Variants in SARDH observed in about 807,000 individuals in gnomAD.
The protein encoded by SARDH is sarcosine dehydrogenase.
A neutral mutation model predicts 109.1 loss-of-function variants in SARDH; 95 were observed. That is an observed-to-expected ratio of 0.87 (90% CI 0.74 to 1.03). The LOEUF is 1.03. Ranked by LOEUF, SARDH falls within the 50% of genes least tolerant of loss-of-function variation. SARDH has a pLI of 0.00. For missense variants in SARDH, 1,267 were observed against 1,287.8 expected, an observed-to-expected ratio of 0.98 and a Z score of 0.25; for synonymous variants, 572 against 534.8, an observed-to-expected ratio of 1.07 and a Z score of -0.96.
rs1345670788 is a variant in SARDH, at chr9:133,731,291, G to T, written c.690+14C>A. The T allele has an allele frequency of 6.2e-7, 1 of 1,613,398 alleles. No homozygotes were observed. The highest frequency in any genetic ancestry group is 8.5e-7 in the Non-Finnish European group (1 of 1,179,640). ...CTGGGAACAGGGGACCCAGAGCCAG[G>T]CGGCCATCAGTACCTGTGCTCCTCG... On this transcript the variant is annotated intron_variant, in intron 4 of 20. Coordinates refer to ENST00000439388, the MANE Select transcript of SARDH (RefSeq NM_001134707.2).
chr9:133,735,557 C>T (rs1832855499), intron 1 of SARDH, among the ~76,000 whole-genome samples: 1 of 152,220 alleles, frequency 6.6e-6, no homozygotes, highest in African/African-American at 2.4e-5. Flanking sequence ...ACCGTGGTGA[C>T]TGCAATCCAC....
intron 11 of SARDH, among the ~76,000 whole-genome samples, chr9:133,707,464 T>C (rs1831733321): frequency 6.6e-6 from 1 of 152,170 alleles, no homozygotes. Context: ...GTGACCACTC[T>C]GGGCCTCTCC....
At position 133,666,797 on chromosome 9, in the gene SARDH, A is replaced by G. The variant is rs779930540; in HGVS notation, c.2569T>C (p.Phe857Leu). 3.7e-6 allele frequency: 6 copies of G among 1,606,696 alleles called. No individual in the cohort carries two copies. In the Admixed American group the frequency reaches 1.0e-4, roughly 27 times the overall value. Residue 857 changes from phenylalanine to leucine, a missense_variant, in exon 20 of 21, where the codon TTT becomes CTT. Transcript: ENST00000439388. This position sits in a 1 kb window ranked among gnomAD's most constrained non-coding sequence, Gnocchi z 5.2. The stretch of plus-strand genomic sequence containing the variant: ...ATGGTCTTGTCGATGGCGAACCCAA[A>G]GTCAGCCCTCCGGACATGGCCCACC... ...QVVGHVRRAD[F>L]GFAIDKTIAY...
chr9:133,685,352 C>T lies in SARDH; in HGVS notation c.2070-66G>A, dbSNP rs544052060. The T allele has an allele frequency of 9.6e-6, 13 of 1,351,830 alleles. No homozygotes were observed. In the African/African-American group the frequency reaches 1.9e-4, roughly 19 times the overall value. The allele number at this position is 1,351,830 out of a possible 1,614,324, so 83.7% of individuals were successfully genotyped here. A position where few individuals can be genotyped will look rare whatever the true frequency, so the allele number is the denominator to read the frequency against. On this transcript the variant is annotated intron_variant, in intron 16 of 20. Coordinates refer to ENST00000439388, the MANE Select transcript of SARDH (RefSeq NM_001134707.2). ...CGGGTGGGGCCTGGGCAGGAAAGGC[C>T]CCGGGGACCTGCCATGAGTGGGATA...
intron 13 of SARDH, among the ~76,000 whole-genome samples, chr9:133,700,803 T>C (rs1050385688): frequency 2.6e-5 from 4 of 152,068 alleles, no homozygotes; most frequent in Non-Finnish European, 5.9e-5. Context: ...AATGCCTGGG[T>C]GAGGTTTTGA....
At position 133,666,843 on chromosome 9, in the gene SARDH, G is replaced by T. The variant is rs1187474635; in HGVS notation, c.2523C>A (p.Ala841=). 3.1e-6 allele frequency: 5 copies of T among 1,611,658 alleles called. No homozygotes were observed. In the African/African-American group the frequency reaches 5.3e-5, roughly 17 times the overall value. Residue 841 remains alanine, a synonymous_variant, in exon 20 of 21, where the codon GCC becomes GCA. Transcript: ENST00000439388. The surrounding 1 kb of genome is among the most constrained non-coding windows in gnomAD (Gnocchi z 5.2). The part of the protein sequence containing the change: ...EDKVPMFGLE[A]IWRNGQVVGH... Reference sequence around the variant, plus strand: ...CCACCACTTGGCCGTTCCTCCAGATGGCCTCCAGGCCAAACATGGGTACTT... The same window carrying T: ...CCACCACTTGGCCGTTCCTCCAGATTGCCTCCAGGCCAAACATGGGTACTT...
downstream of SARDH, among the ~76,000 whole-genome samples, chr9:133,662,126 G>A (rs182988709): frequency 8.9e-4 from 136 of 152,214 alleles, no homozygotes; most frequent in South Asian, 2.9e-3. This position sits in a 1 kb window ranked among gnomAD's most constrained non-coding sequence, Gnocchi z 5.1. Flanking sequence ...CCACAGGGGC[G>A]GGGGAAGCAC....
At chr9:133,677,780 T>C (rs1028694267) in intron 17 of SARDH, among the ~76,000 whole-genome samples, 4 of 152,208 alleles carry the variant, frequency 2.6e-5, no homozygotes, top group East Asian at 1.9e-4. Context: ...TCCCAGCCAG[T>C]TGGCCTGGAC....
At chr9:133,733,714 T>C in intron 2 of SARDH, 129 bp downstream of exon 2, 2 of 926,820 alleles carry the variant, frequency 2.2e-6, no homozygotes, top group Non-Finnish European at 3.0e-6. Flanking sequence ...AAACTGGCCA[T>C]GCACCCTTCC....
Position 133,709,246 on chromosome 9 carries a change from G to A in SARDH, c.1329-818C>T, listed in dbSNP as rs1485529065. ...TCTCATGGAGCTACGGAGCTCTGTG[G>A]CTGCACCTGCGGCCTAGGCCTCTGC... is the stretch of plus-strand genomic sequence containing the variant. On this transcript the variant is annotated intron_variant, in intron 10 of 20. Transcript: ENST00000439388. The surrounding 1 kb of genome is among the most constrained non-coding windows in gnomAD (Gnocchi z 4.2). 6.6e-6 allele frequency among the ~76,000 whole-genome samples: 1 copy of A among 152,182 alleles called. No individual in the cohort carries two copies. The highest frequency in any genetic ancestry group is 1.5e-5 in the Non-Finnish European group (1 of 68,018).
intron 17 of SARDH, among the ~76,000 whole-genome samples, chr9:133,672,611 C>T (rs547691599): frequency 8.0e-4 from 122 of 152,360 alleles, no homozygotes; most frequent in African/African-American, 2.8e-3. Flanking sequence ...GTGCCAAGCC[C>T]GTTGTCCGAG....
chr9:133,707,554 T>G (rs1831736533), intron 11 of SARDH, among the ~76,000 whole-genome samples: 1 of 152,054 alleles, frequency 6.6e-6, no homozygotes, highest in Non-Finnish European at 1.5e-5. Flanking sequence ...CTTCTTCAGT[T>G]TAAACGCCAC....
intron 19 of SARDH, chr9:133,667,254 C>T (rs1028434761): frequency 1.4e-5 from 5 of 353,738 alleles, no homozygotes; most frequent in African/African-American, 2.2e-5. Flanking sequence ...ACAACCTCCG[C>T]CTCCCAGGTT....
rs370660918 is a variant in SARDH, at chr9:133,668,075, C to T, written c.2496-1205G>A. ...GGCCCTCCTAAACCCAGACATCAGG[C>T]TGCAGGTACTTCATGGAGGGCCAGA... On this transcript the variant is annotated intron_variant, in intron 19 of 20. Coordinates refer to ENST00000439388, the MANE Select transcript of SARDH (RefSeq NM_001134707.2). Among the ~76,000 whole-genome samples, 5 of 151,214 alleles carry T rather than the reference C, an allele frequency of 3.3e-5. 1 individual carries two copies. In the East Asian group the frequency reaches 5.8e-4, roughly 18 times the overall value.
chr9:133,695,108 T>C (rs531854110), intron 14 of SARDH, among the ~76,000 whole-genome samples: 1 of 152,252 alleles, frequency 6.6e-6, no homozygotes, highest in South Asian at 2.1e-4. Flanking sequence ...GCAGATATGA[T>C]CAGGTTAAAG....
chr9:133,736,521 G>A (rs1194464519), intron 1 of SARDH, among the ~76,000 whole-genome samples: 3 of 152,210 alleles, frequency 2.0e-5, no homozygotes, highest in Non-Finnish European at 2.9e-5. Flanking sequence ...TCAGCCTCTC[G>A]AGTAGCTGGG....
In SARDH at chr9:133,663,941, T is replaced by C. The variant is rs765154188; in HGVS notation, c.2705A>G (p.His902Arg). The change falls in exon 21 of 21, where the codon CAC (histidine) becomes CGC (arginine). Residue 902 changes from histidine (H) to arginine (R), a missense_variant. By Grantham distance (29) the His-to-Arg change is conservative. Coordinates refer to ENST00000439388, the MANE Select transcript of SARDH (RefSeq NM_001134707.2). ...RMGVTYGAQA[H>R]LKSPFDPNNK... ...GTTGGGGTCGAAGGGCGACTTCAGG[T>C]GAGCCTGGGCACCATAGGTCACCCC... The C allele has an allele frequency of 2.0e-5, 32 of 1,614,150 alleles. No individual in the cohort carries two copies. Among genetic ancestry groups the C allele is most frequent in the Non-Finnish European group, 2.6e-5 (31 of 1,180,018 alleles).
chr9:133,674,265 C>T (rs1830444743), intron 17 of SARDH, among the ~76,000 whole-genome samples: 2 of 152,254 alleles, frequency 1.3e-5, no homozygotes, highest in African/African-American at 4.8e-5. Flanking sequence ...AACAGCGTCT[C>T]CCAGCGCCCA....
chr9:133,692,837 C>T lies in SARDH; in HGVS notation c.1921+1421G>A, dbSNP rs141021280. 5.0e-3 allele frequency among the ~76,000 whole-genome samples: 759 copies of T among 152,274 alleles called. 3 individuals carry two copies. The highest frequency in any genetic ancestry group is 6.9e-3 in the Non-Finnish European group (470 of 68,008). ...AGCGCTGTGGCTCAGCCCATGGCTC[C>T]CTCAGCCTCCACGTCGCCAACGGCA... is the stretch of plus-strand genomic sequence containing the variant. On this transcript the variant is annotated intron_variant, in intron 15 of 20. Transcript: ENST00000439388. This position sits in a 1 kb window ranked among gnomAD's most constrained non-coding sequence, Gnocchi z 5.0.
Sources: gnomAD v4.1 joint callset for allele counts (sites outside exome capture counted in the v4.1 genomes callset) on GRCh38, gnomAD v4.1.1 for gene constraint, Gnocchi (gnomAD v3.1) non-coding constraint, MANE v1.5 for transcripts, NCBI Gene and HGNC (gene_info 2026-07-23, HGNC 2026-07-21) for gene names.